EFCAB5: variants seen among roughly 807,000 people sequenced by gnomAD.
The protein encoded by EFCAB5 is EF-hand calcium binding domain 5.
EFCAB5 carries 131 observed loss-of-function variants against 167.9 expected under a neutral mutation model. The ratio of observed to expected loss-of-function variants is 0.78; its 90% CI spans 0.68 to 0.90. The LOEUF (loss-of-function observed/expected upper bound fraction) is 0.90. Ranked by LOEUF, EFCAB5 falls within the 40% of genes least tolerant of loss-of-function variation. The pLI is 0.00. For missense variants in EFCAB5, 1,663 were observed against 1,745.2 expected, an observed-to-expected ratio of 0.95 and a Z score of 0.84; for synonymous variants, 574 against 602.8, an observed-to-expected ratio of 0.95 and a Z score of 0.70.
Position 29,941,761 on chromosome 17 carries a change from C to T in EFCAB5, c.-36C>T. The T allele has an allele frequency of 6.5e-7, 1 of 1,544,952 alleles. No individual in the cohort carries two copies. Among genetic ancestry groups the T allele is most frequent in the Non-Finnish European group, 8.9e-7 (1 of 1,129,312 alleles). On this transcript the variant is annotated 5_prime_UTR_variant, in exon 1 of 23. Transcript: ENST00000394835. ...TTATTAATACTGGTCTAGTAATATT[C>T]TTCTATACCATTTGGTGATAACTTT...
At chr17:29,941,037 A>T (rs771060791), upstream of EFCAB5, among the ~76,000 whole-genome samples, 1 of 141,340 alleles carries the variant, frequency 7.1e-6, no homozygotes, top group Middle Eastern at 3.7e-3. Context: ...GAGACTCTGT[A>T]AAAAAAAAAA....
chr17:29,969,251 T>G lies in EFCAB5; in HGVS notation c.651T>G (p.Tyr217Ter), dbSNP rs75232409. The G allele has an allele frequency of 1.0e-4, 165 of 1,613,792 alleles. No individual in the cohort carries two copies. In the East Asian group the frequency reaches 2.4e-3, roughly 24 times the overall value. ...KFDPINYLGE[Y>*]LIRNNPNYIK... is the part of the protein sequence containing the mutation. ...ACCCAATTAATTATTTGGGGGAATA[T>G]TTAATAAGAAACAATCCTAATTATA... Residue 217 changes from tyrosine to a stop codon, truncating the protein, a stop_gained, in exon 4 of 23, where the codon TAT (tyrosine) becomes TAG (stop). Transcript: ENST00000394835. LOFTEE classifies it high-confidence loss of function.
At chr17:30,010,749 G>C (rs2068878513) in intron 7 of EFCAB5, among the ~76,000 whole-genome samples, 1 of 152,174 alleles carries the variant, frequency 6.6e-6, no homozygotes, top group Non-Finnish European at 1.5e-5. Flanking sequence ...GTCCCGTTCT[G>C]TAGGTTACCT....
At chr17:29,965,089 G>A (rs2067802467) in intron 3 of EFCAB5, among the ~76,000 whole-genome samples, 1 of 151,508 alleles carries the variant, frequency 6.6e-6, no homozygotes, top group Non-Finnish European at 1.5e-5. Context: ...TTAATTTACA[G>A]AGATGGGGTT....
chr17:30,061,220 C>T (rs1483436815), intron 14 of EFCAB5, among the ~76,000 whole-genome samples: 1 of 151,878 alleles, frequency 6.6e-6, no homozygotes, highest in Non-Finnish European at 1.5e-5. Context: ...CAAGGGCAGG[C>T]TTATACAAAA....
intron 6 of EFCAB5, among the ~76,000 whole-genome samples, 171 bp from the exon 7 acceptor site, chr17:29,999,735 A>G (rs1162790170): frequency 6.6e-6 from 1 of 152,036 alleles, no homozygotes; most frequent in Non-Finnish European, 1.5e-5. Flanking sequence ...GAAAAGTAAT[A>G]ATTTTGTAGT....
intron 12 of EFCAB5, among the ~76,000 whole-genome samples, chr17:30,056,431 A>C (rs545960297): frequency 2.3e-4 from 35 of 152,272 alleles, no homozygotes; most frequent in African/African-American, 7.7e-4. Flanking sequence ...ATATGGCCCT[A>C]CCACTGCTTT....
chr17:29,997,013 A>G (rs968101214), intron 6 of EFCAB5, among the ~76,000 whole-genome samples: 4 of 152,152 alleles, frequency 2.6e-5, no homozygotes, highest in Non-Finnish European at 4.4e-5. Flanking sequence ...TGGGAGCCCG[A>G]GATGGGCGGA....
chr17:29,949,009 G>C (rs547391615), intron 3 of EFCAB5, among the ~76,000 whole-genome samples: 7 of 152,270 alleles, frequency 4.6e-5, no homozygotes, highest in Admixed American at 4.6e-4. Context: ...GTTTCAAACA[G>C]GGCCTGTGTT....
At chr17:30,027,435 G>A (rs2069360761) in intron 7 of EFCAB5, among the ~76,000 whole-genome samples, 1 of 151,334 alleles carries the variant, frequency 6.6e-6, no homozygotes, top group Non-Finnish European at 1.5e-5. Context: ...ACTTTATTAG[G>A]TGTGGTTGTC....
chr17:30,095,955 A>G (rs1237040211), intron 22 of EFCAB5, among the ~76,000 whole-genome samples: 6 of 152,154 alleles, frequency 3.9e-5, no homozygotes, highest in Non-Finnish European at 7.4e-5. Flanking sequence ...AGAGTGCACC[A>G]TTTATTTACA....
At position 30,034,399 on chromosome 17, in the gene EFCAB5, T is replaced by C; in HGVS notation, c.1200+14T>C. On this transcript the variant is annotated intron_variant, in intron 8 of 22. Coordinates refer to ENST00000394835, the MANE Select transcript of EFCAB5 (RefSeq NM_198529.4). Reference sequence around the variant, plus strand: ...GACCACGGGAAGGTGGGTTAAGACATTTAAATAATTGCTTCTTGGCCAGAC... The same window carrying C: ...GACCACGGGAAGGTGGGTTAAGACACTTAAATAATTGCTTCTTGGCCAGAC... The C allele has an allele frequency of 6.4e-7, 1 of 1,568,116 alleles. No homozygotes were observed. Among genetic ancestry groups the C allele is most frequent in the East Asian group, 2.3e-5 (1 of 42,754 alleles).
intron 14 of EFCAB5, chr17:30,073,506 A>G (rs772588326): frequency 3.5e-6 from 2 of 568,278 alleles, no homozygotes; most frequent in Non-Finnish European, 6.4e-6. Flanking sequence ...CTCTCCTTCC[A>G]TCTCTCTTAT....
chr17:30,064,928 A>G (rs1452203516), intron 14 of EFCAB5, among the ~76,000 whole-genome samples: 1 of 152,144 alleles, frequency 6.6e-6, no homozygotes, highest in Non-Finnish European at 1.5e-5. Context: ...TGCTGAAAGA[A>G]AAAAAAATTA....
intron 3 of EFCAB5, among the ~76,000 whole-genome samples, chr17:29,965,024 G>A (rs2067800053): frequency 6.6e-6 from 1 of 150,926 alleles, no homozygotes; most frequent in Admixed American, 6.6e-5. Context: ...GCCTCAGCCT[G>A]CCGAGTAGTT....
chr17:30,049,979 GGA>G (rs1448726009), intron 8 of EFCAB5, among the ~76,000 whole-genome samples: 1 of 151,958 alleles, frequency 6.6e-6, no homozygotes, highest in Admixed American at 6.6e-5. Flanking sequence ...CATCAATAGA[GGA>G]GTTTTTTTTT....
chr17:30,087,588 G>A (rs983433637), intron 19 of EFCAB5, among the ~76,000 whole-genome samples: 7 of 151,994 alleles, frequency 4.6e-5, no homozygotes, highest in African/African-American at 9.7e-5. Flanking sequence ...AATGACTTCC[G>A]GTTCCATCCA....
intron 7 of EFCAB5, among the ~76,000 whole-genome samples, chr17:30,010,256 G>A (rs551602761): frequency 9.9e-5 from 15 of 152,186 alleles, no homozygotes; most frequent in Admixed American, 2.0e-4. Context: ...GAATAGTGCC[G>A]CAATAAACAT....
chr17:30,039,088 G>A (rs2069700031), intron 8 of EFCAB5, among the ~76,000 whole-genome samples: 1 of 152,134 alleles, frequency 6.6e-6, no homozygotes, highest in African/African-American at 2.4e-5. Context: ...GAAGCCGCAG[G>A]AGCCGTCTTT....
Sources: gnomAD v4.1 joint callset for allele counts (sites outside exome capture counted in the v4.1 genomes callset) on GRCh38, gnomAD v4.1.1 for gene constraint, MANE v1.5 for transcripts, NCBI Gene and HGNC (gene_info 2026-07-23, HGNC 2026-07-21) for gene names.